The following PIEZO2 variants were observed in gnomAD, a reference collection of about 807,000 sequenced individuals.
PIEZO2 encodes piezo-type mechanosensitive ion channel component 2.
PIEZO2 carries 172 observed loss-of-function variants against 337.3 expected under a neutral mutation model. The observed-to-expected ratio is 0.51, with a 90% confidence interval of 0.45 to 0.58. The LOEUF (loss-of-function observed/expected upper bound fraction) is 0.58, where lower values mean the gene tolerates loss of function less well. Among genes scored for constraint, PIEZO2 ranks in the 20% least tolerant of loss-of-function variants. PIEZO2 has a pLI of 0.00. For synonymous variants in PIEZO2, 1,251 were observed against 1,228.5 expected (o/e 1.02, Z -0.38); for missense variants, 3,028 against 3,391.3 (o/e 0.89, Z 2.66).
At chr18:10,801,577 G>T (rs1021981966) in intron 9 of PIEZO2, 149 bp from the exon 10 acceptor site, 56 of 703,644 alleles carry the variant, frequency 8.0e-5, no homozygotes, top group Non-Finnish European at 1.1e-4. Flanking sequence ...AAATATAAAA[G>T]GACAAATAAA....
At chr18:10,927,845 C>T (rs943504027) in intron 3 of PIEZO2, among the ~76,000 whole-genome samples, 4 of 151,934 alleles carry the variant, frequency 2.6e-5, no homozygotes, top group Admixed American at 6.6e-5. Context: ...ATAGCAGGCT[C>T]GCTTTATTTT....
intron 21 of PIEZO2, among the ~76,000 whole-genome samples, chr18:10,768,556 A>G (rs933697163): frequency 4.6e-5 from 7 of 152,232 alleles, no homozygotes; most frequent in Admixed American, 4.6e-4. Flanking sequence ...GGCAGATGCT[A>G]GCAGCAGAAA....
chr18:10,810,884 G>A (rs75604490), intron 7 of PIEZO2, among the ~76,000 whole-genome samples: 2,698 of 152,232 alleles, frequency 0.018, 86 homozygotes, highest in African/African-American at 0.062. Context: ...CATAATATGT[G>A]CATGTCACTG....
intron 4 of PIEZO2, among the ~76,000 whole-genome samples, chr18:10,904,971 G>T (rs2043138848): frequency 6.6e-6 from 1 of 152,056 alleles, no homozygotes; most frequent in Non-Finnish European, 1.5e-5. Context: ...ATAGCCCAGG[G>T]GTGGGCAGGA....
chr18:10,733,254 G>A (rs1353541233), intron 35 of PIEZO2, among the ~76,000 whole-genome samples: 3 of 152,062 alleles, frequency 2.0e-5, no homozygotes, highest in East Asian at 1.9e-4. Context: ...TGGGGAAAAC[G>A]GAGAGAGGAG....
rs2040190561 is a variant in PIEZO2 at position 11,126,595 on chromosome 18, A to C, written c.64+21930T>G. ...AGAGAAGCTGAACTATCTATGGTTT[A>C]AAGAGGATCTCAAGAGCAGGAGCCA... On this transcript the variant is annotated intron_variant, in intron 1 of 55. Coordinates refer to ENST00000674853, the MANE Select transcript of PIEZO2 (RefSeq NM_001378183.1). This position sits in a 1 kb window ranked among gnomAD's most constrained non-coding sequence, Gnocchi z 4.6. Among the ~76,000 whole-genome samples the C allele has an allele frequency of 6.6e-6, 1 of 152,134 alleles. No individual in the cohort carries two copies. Among genetic ancestry groups the C allele is most frequent in the Non-Finnish European group, 1.5e-5 (1 of 68,024 alleles).
chr18:10,869,861 C>T lies in PIEZO2; in HGVS notation c.492+1392G>A, dbSNP rs186161239. Among the ~76,000 whole-genome samples the T allele has an allele frequency of 9.9e-4, 151 of 152,132 alleles. 1 individual carries two copies. Among genetic ancestry groups the T allele is most frequent in the African/African-American group, 3.3e-3 (138 of 41,512 alleles). ...AGCAAGGTGATTGCATATCTTTTAC[C>T]CATAAGAATTTTAGACAATGTATAT... is the stretch of plus-strand genomic sequence containing the variant. On this transcript the variant is annotated intron_variant, in intron 5 of 55. Transcript: ENST00000674853.
At chr18:11,041,075 C>G (rs1397817244) in intron 2 of PIEZO2, among the ~76,000 whole-genome samples, 2 of 152,086 alleles carry the variant, frequency 1.3e-5, no homozygotes, top group African/African-American at 4.8e-5. Context: ...GTTAGGGCAT[C>G]CTCTGAAAAC....
At chr18:10,693,517 G>A (rs931309325) in intron 47 of PIEZO2, among the ~76,000 whole-genome samples, 3 of 149,210 alleles carry the variant, frequency 2.0e-5, no homozygotes, top group East Asian at 3.9e-4. Flanking sequence ...CTATAGGCGC[G>A]CGACACCACA....
chr18:10,835,078 G>C (rs1198276469), intron 7 of PIEZO2, among the ~76,000 whole-genome samples: 1 of 152,178 alleles, frequency 6.6e-6, no homozygotes, highest in Admixed American at 6.5e-5. Flanking sequence ...GACACATCTA[G>C]AAGGTACTAT....
chr18:11,139,053 C>T (rs1417210010), intron 1 of PIEZO2, among the ~76,000 whole-genome samples: 1 of 152,218 alleles, frequency 6.6e-6, no homozygotes, highest in African/African-American at 2.4e-5. Context: ...TCGTGCCTAA[C>T]TTCTGTATCT....
intron 39 of PIEZO2, among the ~76,000 whole-genome samples, chr18:10,710,930 A>C (rs540455335): frequency 5.2e-4 from 79 of 152,370 alleles, no homozygotes; most frequent in African/African-American, 1.8e-3. Flanking sequence ...GATAGGCCCT[A>C]TTCTGTCTCC....
rs549197648 is a variant in PIEZO2 at position 10,916,616 on chromosome 18, T to C, written c.287-5388A>G. Among the ~76,000 whole-genome samples the C allele has an allele frequency of 3.2e-3, 488 of 152,260 alleles. 4 individuals are homozygous for C. Among genetic ancestry groups the C allele is most frequent in the African/African-American group, 0.01 (418 of 41,578 alleles). On this transcript the variant is annotated intron_variant, in intron 3 of 55. Transcript: ENST00000674853. ...AGGCCGCGCCCATCTAGAACTCGCG[T>C]CGGCCGGCGAGTGCAAGCAAAGTCC...
At chr18:10,909,927 G>A (rs1321064904) in intron 4 of PIEZO2, among the ~76,000 whole-genome samples, 1 of 152,220 alleles carries the variant, frequency 6.6e-6, no homozygotes, top group East Asian at 1.9e-4. Flanking sequence ...TGATGTAGGT[G>A]TTGGTAGGGA....
chr18:10,738,529 T>C (rs2037097421), intron 33 of PIEZO2: 1 of 152,174 alleles, frequency 6.6e-6, no homozygotes. Context: ...GTTATTGAAA[T>C]GAAACTAGGA....
intron 4 of PIEZO2, among the ~76,000 whole-genome samples, chr18:10,902,101 T>C (rs947974809): frequency 7.2e-5 from 11 of 152,184 alleles, no homozygotes; most frequent in Non-Finnish European, 1.6e-4. Flanking sequence ...GAGAACCCTA[T>C]TGTGAACTGC....
rs543550956 is a variant in PIEZO2, at chr18:10,870,857, A to T, written c.492+396T>A. ...CTGGAAAGCTGCCCTGCAAGGAGGA[A>T]CTCATTTTTTTCCCTAAAACTACCA... On this transcript the variant is annotated intron_variant, in intron 5 of 55. Transcript: ENST00000674853. The surrounding 1 kb of genome is among the most constrained non-coding windows in gnomAD (Gnocchi z 5.3). Among the ~76,000 whole-genome samples, 111 of 152,228 alleles carry T rather than the reference A, an allele frequency of 7.3e-4. 1 individual carries two copies. Among genetic ancestry groups the T allele is most frequent in the African/African-American group, 2.6e-3 (106 of 41,518 alleles).
chr18:10,993,479 T>C lies in PIEZO2; in HGVS notation c.161-13819A>G, dbSNP rs1291854403. On this transcript the variant is annotated intron_variant, in intron 2 of 55. Coordinates refer to ENST00000674853, the MANE Select transcript of PIEZO2 (RefSeq NM_001378183.1). This position sits in a 1 kb window ranked among gnomAD's most constrained non-coding sequence, Gnocchi z 5.0. ...TCTATTGAGATAATCATGTCGTTTTTGTCATTGGTTCTGTTTATGTGATAG... is the reference window on the plus strand; with the variant it reads ...TCTATTGAGATAATCATGTCGTTTTCGTCATTGGTTCTGTTTATGTGATAG... Among the ~76,000 whole-genome samples the C allele has an allele frequency of 6.6e-6, 1 of 152,220 alleles. No individual in the cohort carries two copies. Among genetic ancestry groups the C allele is most frequent in the Non-Finnish European group, 1.5e-5 (1 of 68,042 alleles).
rs2038608748 is a variant in PIEZO2 at position 11,078,063 on chromosome 18, CACACCA to C, written c.65-11847_65-11842del. ...ACACACACCCACACACACACACACA[CACACCA>C]CACACACAAAAACAAACATACACAC... On this transcript the variant is annotated intron_variant, in intron 1 of 55. Transcript: ENST00000674853. The surrounding 1 kb of genome is among the most constrained non-coding windows in gnomAD (Gnocchi z 5.3). 2.0e-5 allele frequency among the ~76,000 whole-genome samples: 3 copies of C among 150,144 alleles called. No homozygotes were observed. Among genetic ancestry groups the C allele is most frequent in the East Asian group, 2.0e-4 (1 of 5,094 alleles).
Sources: allele counts gnomAD v4.1 joint callset (sites outside exome capture counted in the v4.1 genomes callset), GRCh38; gene constraint gnomAD v4.1.1; non-coding constraint Gnocchi (gnomAD v3.1); transcripts MANE v1.5; gene names NCBI Gene and HGNC (gene_info 2026-07-23, HGNC 2026-07-21).